LMO2: variants seen among roughly 807,000 people sequenced by gnomAD.
LMO2 encodes the protein LIM domain only 2, also known as rhombotin-2.
LMO2 carries 20 observed loss-of-function variants against 23.2 expected under a neutral mutation model. The ratio of observed to expected loss-of-function variants is 0.86; its 90% CI spans 0.61 to 1.25. The LOEUF (loss-of-function observed/expected upper bound fraction) is 1.25. Ranked by LOEUF, LMO2 falls within the 50% of genes most tolerant of loss-of-function variation. The pLI is 0.00. For missense variants in LMO2, 270 were observed against 315.3 expected (o/e 0.86, Z 1.09); for synonymous variants, 123 against 130.2 (o/e 0.94, Z 0.38).
Position 33,859,357 on chromosome 11 carries a change from T to A in LMO2, c.683A>T (p.Ter228LeuextTer13). 2 of 1,612,476 alleles carry A rather than the reference T, an allele frequency of 1.2e-6. No homozygotes were observed. The highest frequency in any genetic ancestry group is 1.7e-6 in the Non-Finnish European group (2 of 1,178,600). Reference sequence around the variant, plus strand: ...CCAAAGATGCCCGGGGACTCGGGCCTATATCATCCCATTGATCTTAGTCCA... The same window carrying A: ...CCAAAGATGCCCGGGGACTCGGGCCAATATCATCCCATTGATCTTAGTCCA... The part of the protein sequence containing the change: ...YEWTKINGMI[*>L] Residue 228 changes from the stop codon to leucine, a stop_lost, in exon 6 of 6, where the codon TAG becomes TTG. Coordinates refer to ENST00000257818, the MANE Select transcript of LMO2 (RefSeq NM_005574.4).
chr11:33,886,947 A>G (rs2133718466), intron 1 of LMO2, among the ~76,000 whole-genome samples: 1 of 152,228 alleles, frequency 6.6e-6, no homozygotes, highest in East Asian at 1.9e-4. Context: ...TCGCTCTTCC[A>G]TCCATAGCCA....
intron 2 of LMO2, chr11:33,881,609 CA>C: frequency 2.8e-6 from 1 of 354,340 alleles, no homozygotes; most frequent in South Asian, 2.1e-5. Flanking sequence ...TCTCTCAGCT[CA>C]AATATGTATG....
At position 33,869,985 on chromosome 11, in the gene LMO2, T is replaced by G. The variant is rs1421222622; in HGVS notation, c.-269A>C. ...CTCTGTCTCTGGTTTCATTTCCTTTTTCCTGATCACGATTCAAATACAATA... is the reference window on the plus strand; with the variant it reads ...CTCTGTCTCTGGTTTCATTTCCTTTGTCCTGATCACGATTCAAATACAATA... On this transcript the variant is annotated splice_region_variant and 5_prime_UTR_variant, in exon 3 of 6. Transcript: ENST00000257818. 1 of 1,025,886 alleles carries G rather than the reference T, an allele frequency of 9.7e-7. No homozygotes were observed. The highest frequency in any genetic ancestry group is 1.7e-5 in the African/African-American group (1 of 58,268). The allele number at this position is 1,025,886 out of a possible 1,614,324, so 63.5% of individuals were successfully genotyped here. A position where few individuals can be genotyped will look rare whatever the true frequency, so the allele number is the denominator to read the frequency against.
At chr11:33,889,934 T>C (rs2133721568) in intron 1 of LMO2, among the ~76,000 whole-genome samples, 1 of 152,250 alleles carries the variant, frequency 6.6e-6, no homozygotes. Context: ...CTGTGGTGTA[T>C]ATATATGCAA....
intron 5 of LMO2, 64 bp from the exon 6 acceptor site, chr11:33,859,639 G>A (rs1345075011): frequency 8.8e-6 from 13 of 1,477,534 alleles, no homozygotes; most frequent in Middle Eastern, 2.3e-4. Flanking sequence ...GACAGGGCTC[G>A]GGGATGAGCC....
intron 5 of LMO2, among the ~76,000 whole-genome samples, chr11:33,859,843 G>GC (rs1856504852): frequency 6.6e-6 from 1 of 152,132 alleles, no homozygotes; most frequent in Non-Finnish European, 1.5e-5. Flanking sequence ...CCCCTAGGCT[G>GC]CCCCCTGGCT....
At chr11:33,883,884 A>C (rs1301574769) in intron 1 of LMO2, among the ~76,000 whole-genome samples, 2 of 152,230 alleles carry the variant, frequency 1.3e-5, no homozygotes, top group East Asian at 3.8e-4. Flanking sequence ...TTTTCTTAAC[A>C]GAGCAGGTGT....
At chr11:33,872,377 GGGGATTATATGAGTTAGTGCACAAAA>G (rs1857046298) in intron 2 of LMO2, among the ~76,000 whole-genome samples, 1 of 152,184 alleles carries the variant, frequency 6.6e-6, no homozygotes, top group African/African-American at 2.4e-5. Context: ...AAGTTATTGT[GGGGATTATATGAGTTAGTGCACAAAA>G]GGGTGGCACA....
intron 2 of LMO2, among the ~76,000 whole-genome samples, chr11:33,874,935 A>C (rs1857101093): frequency 6.6e-6 from 1 of 152,228 alleles, no homozygotes; most frequent in African/African-American, 2.4e-5. Context: ...TTCCTCAGTG[A>C]GTTCTTAGCA....
chr11:33,885,508 C>T (rs1475408413), intron 1 of LMO2, among the ~76,000 whole-genome samples: 1 of 152,198 alleles, frequency 6.6e-6, no homozygotes, highest in African/African-American at 2.4e-5. Flanking sequence ...TGCATGAGGT[C>T]CAGCCACTGG....
At chr11:33,881,475 G>T in intron 2 of LMO2, 1 of 443,678 alleles carries the variant, frequency 2.3e-6, no homozygotes, top group Non-Finnish European at 4.6e-6. Context: ...ATTGTGACTT[G>T]GGTTGGGAGA....
intron 1 of LMO2, among the ~76,000 whole-genome samples, chr11:33,884,309 T>TG (rs1279520263): frequency 6.6e-6 from 1 of 151,132 alleles, no homozygotes; most frequent in Admixed American, 6.6e-5. Flanking sequence ...TCTGCTCCAT[T>TG]GGGGGTCAGG....
At chr11:33,868,780 T>C (rs560924964) in intron 4 of LMO2, among the ~76,000 whole-genome samples, 1 of 152,306 alleles carries the variant, frequency 6.6e-6, no homozygotes, top group East Asian at 1.9e-4. Flanking sequence ...ATTTCGCTGC[T>C]CTAGAAATCC....
At chr11:33,884,640 G>A (rs537138135) in intron 1 of LMO2, among the ~76,000 whole-genome samples, 6 of 152,178 alleles carry the variant, frequency 3.9e-5, no homozygotes, top group Non-Finnish European at 7.3e-5. Context: ...CCTAAAACAA[G>A]GTCACCCCAG....
chr11:33,886,578 C>T (rs752779332), intron 1 of LMO2, among the ~76,000 whole-genome samples: 35 of 152,176 alleles, frequency 2.3e-4, no homozygotes, highest in Non-Finnish European at 4.6e-4. Context: ...TATAAAAAAC[C>T]TAAAGGTTTC....
At chr11:33,862,211 A>T (rs1461038922) in intron 5 of LMO2, among the ~76,000 whole-genome samples, 3 of 152,144 alleles carry the variant, frequency 2.0e-5, no homozygotes, top group Non-Finnish European at 2.9e-5. Flanking sequence ...CTCAGAGGGG[A>T]GGGACCCTGG....
At position 33,861,708 on chromosome 11, in the gene LMO2, T is replaced by C. The variant is rs1050795711; in HGVS notation, c.465-2133A>G. Among the ~76,000 whole-genome samples, 2 of 152,180 alleles carry C rather than the reference T, an allele frequency of 1.3e-5. 1 individual carries two copies. The highest frequency in any genetic ancestry group is 2.9e-5 in the Non-Finnish European group (2 of 68,024). ...TGTGCATGGAATGAATCCAACTGCC[T>C]GGGGTGTGCGATCCTTAAGGAAGGA... is the stretch of plus-strand genomic sequence containing the variant. On this transcript the variant is annotated intron_variant, in intron 5 of 5. Coordinates refer to ENST00000257818, the MANE Select transcript of LMO2 (RefSeq NM_005574.4).
At position 33,864,696 on chromosome 11, in the gene LMO2, G is replaced by A. The variant is rs763863513; in HGVS notation, c.370C>T (p.Leu124=). The change falls in exon 5 of 6, where the codon CTG becomes TTG. Residue 124 remains leucine, a synonymous_variant. Coordinates refer to ENST00000257818, the MANE Select transcript of LMO2 (RefSeq NM_005574.4). The surrounding 1 kb of genome is among the most constrained non-coding windows in gnomAD (Gnocchi z 4.8). ...AIDQYWHEDC[L]SCDLCGCRLG... is the part of the protein sequence containing the mutation. The stretch of plus-strand genomic sequence containing the variant: ...CGGCAGCCACAGAGGTCGCAGCTCA[G>A]GCAGTCCTCGTGCCAGTACTGGTCG... The A allele has an allele frequency of 1.2e-5, 20 of 1,614,118 alleles. No homozygotes were observed. The highest frequency in any genetic ancestry group is 1.4e-5 in the Non-Finnish European group (16 of 1,180,048).
At chr11:33,862,764 A>C (rs1255968313) in intron 5 of LMO2, among the ~76,000 whole-genome samples, 1 of 152,212 alleles carries the variant, frequency 6.6e-6, no homozygotes, top group Non-Finnish European at 1.5e-5. Flanking sequence ...CTCTGTCAAG[A>C]GATGTCCCAT....
Sources: gnomAD v4.1 joint callset for allele counts (sites outside exome capture counted in the v4.1 genomes callset) on GRCh38, gnomAD v4.1.1 for gene constraint, Gnocchi (gnomAD v3.1) non-coding constraint, MANE v1.5 for transcripts, NCBI Gene and HGNC (gene_info 2026-07-23, HGNC 2026-07-21) for gene names.